Variants in BANK1 observed in about 807,000 individuals in gnomAD.
BANK1 encodes the protein B cell scaffold protein with ankyrin repeats 1.
Under a neutral mutation model 94.5 loss-of-function variants are expected in BANK1, and 95 were observed. The ratio of observed to expected loss-of-function variants is 1.00; its 90% CI spans 0.85 to 1.19. BANK1 has a LOEUF of 1.19. Ranked by LOEUF, BANK1 falls within the 50% of genes most tolerant of loss-of-function variation. The pLI is 0.00. For missense variants in BANK1, 987 were observed against 932.2 expected (o/e 1.06, Z -0.77); for synonymous variants, 334 against 308.4 (o/e 1.08, Z -0.87).
At chr4:101,995,654 G>C (rs1040399684) in intron 7 of BANK1, among the ~76,000 whole-genome samples, 4 of 152,136 alleles carry the variant, frequency 2.6e-5, no homozygotes, top group African/African-American at 9.7e-5. Flanking sequence ...GCATGAGATG[G>C]TATCTCATTG....
intron 12 of BANK1, 25 bp downstream of exon 12, chr4:102,060,414 G>A: frequency 6.3e-7 from 1 of 1,578,646 alleles, no homozygotes; most frequent in Non-Finnish European, 8.6e-7. Flanking sequence ...GTGTTTTCTG[G>A]GACATTCCCT....
intron 5 of BANK1, among the ~76,000 whole-genome samples, chr4:101,891,796 G>T (rs995295048): frequency 6.6e-6 from 1 of 151,870 alleles, no homozygotes; most frequent in Admixed American, 6.6e-5. Context: ...GTATAATTTT[G>T]ATTACTGTAT....
At chr4:101,865,044 G>A (rs975960444) in intron 4 of BANK1, among the ~76,000 whole-genome samples, 2 of 152,134 alleles carry the variant, frequency 1.3e-5, no homozygotes, top group African/African-American at 2.4e-5. Flanking sequence ...TTGATCAGGG[G>A]CAGGAAGAAG....
chr4:101,897,346 T>C (rs1178539328), intron 6 of BANK1, among the ~76,000 whole-genome samples: 1 of 152,012 alleles, frequency 6.6e-6, no homozygotes, highest in Non-Finnish European at 1.5e-5. Context: ...TGGCATGGTT[T>C]TGGTTTCCTG....
chr4:102,004,255 G>A (rs999835691), intron 7 of BANK1, among the ~76,000 whole-genome samples: 18 of 152,194 alleles, frequency 1.2e-4, no homozygotes, highest in African/African-American at 4.1e-4. Flanking sequence ...ATGTATGTGT[G>A]AATAGATACA....
intron 2 of BANK1, among the ~76,000 whole-genome samples, chr4:101,846,997 C>T (rs1009681111): frequency 6.6e-6 from 1 of 152,154 alleles, no homozygotes; most frequent in Non-Finnish European, 1.5e-5. Flanking sequence ...CTCACCCTCC[C>T]TGTCAGCATC....
At chr4:101,991,021 G>A (rs1007261972) in intron 7 of BANK1, among the ~76,000 whole-genome samples, 3 of 152,284 alleles carry the variant, frequency 2.0e-5, no homozygotes, top group South Asian at 4.1e-4. Flanking sequence ...GTACCATGCT[G>A]GGAGTTTTCA....
chr4:101,812,358 TTAAAA>T (rs1261815250), intron 1 of BANK1, among the ~76,000 whole-genome samples: 1 of 151,986 alleles, frequency 6.6e-6, no homozygotes, highest in Non-Finnish European at 1.5e-5. Context: ...TGGTGAAATG[TTAAAA>T]TAATAGTATC....
chr4:101,836,516 A>G (rs111721286), intron 2 of BANK1, among the ~76,000 whole-genome samples: 1,737 of 152,254 alleles, frequency 0.011, 14 homozygotes, highest in Non-Finnish European at 0.017. Flanking sequence ...AAAAAATTTC[A>G]TTTTAAAAAT....
chr4:101,936,266 T>C (rs749206769), intron 7 of BANK1, among the ~76,000 whole-genome samples: 2 of 150,258 alleles, frequency 1.3e-5, no homozygotes, highest in African/African-American at 4.9e-5. Flanking sequence ...CATACATGTA[T>C]GCATACATGT....
chr4:102,043,930 A>G, intron 11 of BANK1, 23 bp downstream of exon 11: 1 of 1,409,744 alleles, frequency 7.1e-7, no homozygotes, highest in Non-Finnish European at 1.0e-6. Context: ...ACTTCAATCT[A>G]TTTAGTAATC....
At chr4:102,030,532 C>T (rs1159826050) in intron 10 of BANK1, among the ~76,000 whole-genome samples, 1 of 151,826 alleles carries the variant, frequency 6.6e-6, no homozygotes, top group Non-Finnish European at 1.5e-5. Flanking sequence ...CTGCTGTACC[C>T]ATCAACCCGT....
chr4:102,062,998 A>G (rs1728471261), intron 12 of BANK1, 77 bp from the exon 13 acceptor site: 1 of 1,137,830 alleles, frequency 8.8e-7, no homozygotes, highest in East Asian at 2.4e-5. Flanking sequence ...TGGTATTGCT[A>G]ATAGTAGTTG....
intron 7 of BANK1, among the ~76,000 whole-genome samples, chr4:101,957,531 C>G (rs1004959019): frequency 2.6e-5 from 4 of 152,170 alleles, no homozygotes; most frequent in African/African-American, 9.7e-5. Flanking sequence ...GAAGTTTATA[C>G]ATCATCAAGA....
rs1048550801 is a variant in BANK1, at chr4:101,858,825, A to G, written c.624+3636A>G. On this transcript the variant is annotated intron_variant, in intron 3 of 16. Coordinates refer to ENST00000322953, the MANE Select transcript of BANK1 (RefSeq NM_017935.5). ...TTTTACAATCAGAATCCTACCACAT[A>G]CCATATTCCCTAATAAAGGTCTTTA... Among the ~76,000 whole-genome samples, 11 of 152,186 alleles carry G rather than the reference A, an allele frequency of 7.2e-5. No individual in the cohort carries two copies. In the East Asian group the frequency reaches 2.1e-3, roughly 29 times the overall value.
intron 3 of BANK1, among the ~76,000 whole-genome samples, chr4:101,861,541 A>G (rs1326317674): frequency 2.0e-5 from 3 of 152,160 alleles, no homozygotes; most frequent in Non-Finnish European, 4.4e-5. Flanking sequence ...CGACAGCATG[A>G]TATAAGGATT....
chr4:101,986,899 G>GTGTATATATATATATA (rs1343197093), intron 7 of BANK1, among the ~76,000 whole-genome samples: 7 of 82,658 alleles, frequency 8.5e-5, no homozygotes, highest in South Asian at 4.4e-4. Flanking sequence ...GTGTGTGTGT[G>GTGTATATATATATATA]TATATATATA....
Position 101,940,355 on chromosome 4 carries a change from C to T in BANK1, c.1206+22166C>T, listed in dbSNP as rs185999418. Among the ~76,000 whole-genome samples, 152 of 151,620 alleles carry T rather than the reference C, an allele frequency of 1.0e-3. 1 individual carries two copies. Among genetic ancestry groups the T allele is most frequent in the African/African-American group, 3.4e-3 (141 of 41,434 alleles). ...AGTTGTAAACATAGAACAGAGTTTCCATATACTCCCCAAGTATGTTTTTTC... is the reference window on the plus strand; with the variant it reads ...AGTTGTAAACATAGAACAGAGTTTCTATATACTCCCCAAGTATGTTTTTTC... On this transcript the variant is annotated intron_variant, in intron 7 of 16. Transcript: ENST00000322953.
intron 7 of BANK1, chr4:101,976,810 T>C (rs533750301): frequency 3.3e-5 from 5 of 152,264 alleles, no homozygotes; most frequent in Non-Finnish European, 5.9e-5. Context: ...AGGCATGTCA[T>C]GTGGGCAACT....
Sources: gnomAD v4.1 joint callset for allele counts (sites outside exome capture counted in the v4.1 genomes callset) on GRCh38, gnomAD v4.1.1 for gene constraint, MANE v1.5 for transcripts, NCBI Gene and HGNC (gene_info 2026-07-23, HGNC 2026-07-21) for gene names.